SLC25A3: variants seen among roughly 807,000 people sequenced by gnomAD.
SLC25A3 encodes solute carrier family 25 member 3.
In SLC25A3, 14 loss-of-function variants were observed where a neutral mutation model predicts 37.1. The observed-to-expected ratio is 0.38, with a 90% CI of 0.25 to 0.59. SLC25A3 has a LOEUF of 0.59. Ranked by LOEUF, SLC25A3 falls within the 20% of genes least tolerant of loss-of-function variation. SLC25A3 has a pLI of 0.67. For missense variants in SLC25A3, 385 were observed against 458.1 expected, an observed-to-expected ratio of 0.84 and a Z score of 1.46; for synonymous variants, 161 against 168.7, an observed-to-expected ratio of 0.95 and a Z score of 0.36.
In SLC25A3 at chr12:98,601,292, G is replaced by GT. The variant is rs778050686; in HGVS notation, c.925+18dup. On this transcript the variant is annotated intron_variant, in intron 7 of 7. Transcript: ENST00000552981. ...GACTTGGATTTAAAGGTAGGATGATGTTTTTTTCTTGAAAGAAAGAACAAC... is the reference window on the plus strand; with the variant it reads ...GACTTGGATTTAAAGGTAGGATGATGTTTTTTTTCTTGAAAGAAAGAACAAC... The GT allele has an allele frequency of 1.1e-5, 17 of 1,613,858 alleles. No individual in the cohort carries two copies. Among genetic ancestry groups the GT allele is most frequent in the Non-Finnish European group, 1.4e-5 (16 of 1,179,956 alleles).
At chr12:98,595,635 C>T (rs1457075385) in intron 2 of SLC25A3, 92 bp from the exon 3 acceptor site, 5 of 1,612,256 alleles carry the variant, frequency 3.1e-6, no homozygotes, top group Non-Finnish European at 4.2e-6. Flanking sequence ...ATCTAACAAG[C>T]TGTGTGGAAA....
chr12:98,597,416 CT>C (rs1160705083), intron 3 of SLC25A3: 1,120 of 151,642 alleles, frequency 7.4e-3, no homozygotes, highest in South Asian at 0.021. Flanking sequence ...TACTGTATTT[CT>C]TTTTTTTTTT....
chr12:98,596,707 A>G (rs1208217036), intron 3 of SLC25A3, among the ~76,000 whole-genome samples: 4 of 152,188 alleles, frequency 2.6e-5, no homozygotes, highest in African/African-American at 7.2e-5. Flanking sequence ...TTATCTAGAC[A>G]GTAGCTTTTA....
At chr12:98,594,187 C>T (rs1307616848) in intron 2 of SLC25A3, 52 bp downstream of exon 2, 2 of 1,477,728 alleles carry the variant, frequency 1.4e-6, no homozygotes, top group Admixed American at 1.9e-5. Flanking sequence ...GTGGGCCGCC[C>T]AGCCTTTGAG....
At chr12:98,593,806 C>T in intron 1 of SLC25A3, 66 bp downstream of exon 1, 1 of 693,662 alleles carries the variant, frequency 1.4e-6, no homozygotes, top group Non-Finnish European at 2.5e-6. Context: ...CCTGTGGGGC[C>T]GCTGCTTTGG....
Position 98,602,689 on chromosome 12 carries a change from A to G in SLC25A3, c.*1161A>G, listed in dbSNP as rs1436817215. ...TGATTAGGAAGTGTATAAAAGTTCA[A>G]TCTTTTGTAATGACAGCCCACCACT... On this transcript the variant is annotated 3_prime_UTR_variant, in exon 8 of 8. Transcript: ENST00000552981. The G allele has an allele frequency of 6.6e-6, 1 of 152,186 alleles. No individual in the cohort carries two copies. Among genetic ancestry groups the G allele is most frequent in the Non-Finnish European group, 1.5e-5 (1 of 68,030 alleles). 9.4% of individuals were successfully genotyped at this position (152,186 alleles called of 1,614,324 possible).
Position 98,600,141 on chromosome 12 carries a change from A to G in SLC25A3, c.814+14A>G. The G allele has an allele frequency of 6.8e-7, 1 of 1,468,374 alleles. No homozygotes were observed. The highest frequency in any genetic ancestry group is 9.6e-7 in the Non-Finnish European group (1 of 1,046,666). 91.0% of individuals were successfully genotyped at this position (1,468,374 alleles called of 1,614,324 possible). A position where few individuals can be genotyped will look rare whatever the true frequency, so the allele number is the denominator to read the frequency against. On this transcript the variant is annotated intron_variant, in intron 6 of 7. Coordinates refer to ENST00000552981, the MANE Select transcript of SLC25A3 (RefSeq NM_002635.4). ...CAGGTTACATAGGTACGAATTACTT[A>G]GAACACACTTGTCTGAAATTATGAA...
chr12:98,595,566 T>C lies in SLC25A3; in HGVS notation c.158-161T>C, dbSNP rs1273887563. 3.1e-6 allele frequency: 5 copies of C among 1,614,042 alleles called. No individual in the cohort carries two copies. The African/African-American group carries it at 6.7e-5, about 22-fold the overall frequency. On this transcript the variant is annotated intron_variant, in intron 2 of 7. Transcript: ENST00000552981. ...TTAAATGCAGAATGCAGGTTTGTTT[T>C]GCATGCTGGACTAGAGCATATTGAA...
chr12:98,598,894 G>T (rs1041188048), intron 5 of SLC25A3, among the ~76,000 whole-genome samples, 191 bp downstream of exon 5: 2 of 151,590 alleles, frequency 1.3e-5, no homozygotes, highest in East Asian at 3.9e-4. Context: ...TCCTGCCTCA[G>T]CCTCCCAAGT....
rs1565833201 is a variant in SLC25A3 at position 98,603,562 on chromosome 12, C to CG, written c.*2035dup. On this transcript the variant is annotated 3_prime_UTR_variant, in exon 8 of 8. Transcript: ENST00000552981. ...AGTAGAAACGCATTAGTCCAGCCAA[C>CG]GTGAAAGTGGACCGTAGATCTAAAA... 1 of 152,012 alleles carries CG rather than the reference C, an allele frequency of 6.6e-6. No individual in the cohort carries two copies. The highest frequency in any genetic ancestry group is 2.4e-5 in the African/African-American group (1 of 41,404). The allele number at this position is 152,012 out of a possible 1,614,324, so 9.4% of individuals were successfully genotyped here. A position where few individuals can be genotyped will look rare whatever the true frequency, so the allele number is the denominator to read the frequency against.
Position 98,593,707 on chromosome 12 carries a change from C to G in SLC25A3, c.-38C>G, listed in dbSNP as rs542602103. ...CGGCCTCTGTGAGCCGCAACCTTTC[C>G]AAGGGAGTGGTTGTGTGATCGCCAT... On this transcript the variant is annotated 5_prime_UTR_variant, in exon 1 of 8. Transcript: ENST00000552981. The G allele has an allele frequency of 7.2e-4, 398 of 552,998 alleles. No homozygotes were observed. The highest frequency in any genetic ancestry group is 6.0e-3 in the African/African-American group (320 of 53,008). The allele number at this position is 552,998 out of a possible 1,614,324, so 34.3% of individuals were successfully genotyped here. A position where few individuals can be genotyped will look rare whatever the true frequency, so the allele number is the denominator to read the frequency against.
At chr12:98,595,474 C>T in intron 2 of SLC25A3, 2 of 1,613,306 alleles carry the variant, frequency 1.2e-6, no homozygotes, top group Non-Finnish European at 1.7e-6. Flanking sequence ...ATTCTTTATC[C>T]TTTGTGGACT....
intron 3 of SLC25A3, among the ~76,000 whole-genome samples, chr12:98,596,911 C>T (rs769856155): frequency 2.0e-4 from 30 of 152,090 alleles, no homozygotes; most frequent in African/African-American, 4.3e-4. Context: ...CGCAGCTACT[C>T]GGGAGGCTGA....
chr12:98,598,510 T>G lies in SLC25A3; in HGVS notation c.460-12T>G. The G allele has an allele frequency of 1.2e-6, 2 of 1,612,078 alleles. No homozygotes were observed. Among genetic ancestry groups the G allele is most frequent in the Non-Finnish European group, 8.5e-7 (1 of 1,179,836 alleles). On this transcript the variant is annotated splice_polypyrimidine_tract_variant and intron_variant, in intron 4 of 7. Transcript: ENST00000552981. ...AGCAATTCACATCCCTTCCTTGTGT[T>G]TTGGATTTTAGGAGAATACTTATCT...
rs368452839 is a variant in SLC25A3 at position 98,605,810 on chromosome 12, ACTGT to A, written c.*4286_*4289del. On this transcript the variant is annotated 3_prime_UTR_variant, in exon 8 of 8. Coordinates refer to ENST00000552981, the MANE Select transcript of SLC25A3 (RefSeq NM_002635.4). Reference sequence around the variant, plus strand: ...ACTCCAGCCTGGGCGACAGAGCCAGACTGTCTGAGGAAGAAATTGTATATCAGGC... The same window carrying A: ...ACTCCAGCCTGGGCGACAGAGCCAGACTGAGGAAGAAATTGTATATCAGGC... 4,408 of 152,220 alleles carry A rather than the reference ACTGT, an allele frequency of 0.029. 206 individuals carry two copies. The highest frequency in any genetic ancestry group is 0.098 in the African/African-American group (4,064 of 41,404). The allele number at this position is 152,220 out of a possible 1,614,324, so 9.4% of individuals were successfully genotyped here.
intron 5 of SLC25A3, chr12:98,599,738 A>G (rs1042884550): frequency 8.4e-6 from 6 of 713,992 alleles, no homozygotes; most frequent in South Asian, 2.7e-5. Context: ...ACATCCAGCA[A>G]CTTTTTTGGT....
rs190019826 is a variant in SLC25A3, at chr12:98,598,924, T to C, written c.641+221T>C. Among the ~76,000 whole-genome samples the C allele has an allele frequency of 0.015, 2,200 of 151,234 alleles. 32 individuals carry two copies. The highest frequency in any genetic ancestry group is 0.021 in the Non-Finnish European group (1,395 of 67,784). ...CCAAGTAGCTGGGACTACAGGCGCC[T>C]GCCACTGCGCCCAGCTAATTTTTTG... On this transcript the variant is annotated intron_variant, in intron 5 of 7. Coordinates refer to ENST00000552981, the MANE Select transcript of SLC25A3 (RefSeq NM_002635.4).
Position 98,601,187 on chromosome 12 carries a change from A to G in SLC25A3, c.831A>G (p.Ala277=), listed in dbSNP as rs764571045. ...TTTTTTCAGCTGGAGTCTTTTGTGCAATTGTTTCTCACCCTGCTGATTCTG... is the reference window on the plus strand; with the variant it reads ...TTTTTTCAGCTGGAGTCTTTTGTGCGATTGTTTCTCACCCTGCTGATTCTG... ...VAGYIAGVFC[A]IVSHPADSVV... The change falls in exon 7 of 8, where the codon GCA becomes GCG. Residue 277 remains alanine (A), a synonymous_variant. Coordinates refer to ENST00000552981, the MANE Select transcript of SLC25A3 (RefSeq NM_002635.4). 1.9e-6 allele frequency: 3 copies of G among 1,612,950 alleles called. No homozygotes were observed. Among genetic ancestry groups the G allele is most frequent in the Non-Finnish European group, 2.5e-6 (3 of 1,179,762 alleles).
intron 3 of SLC25A3, among the ~76,000 whole-genome samples, chr12:98,596,213 A>G (rs981904599): frequency 1.3e-5 from 2 of 152,246 alleles, no homozygotes; most frequent in African/African-American, 4.8e-5. Flanking sequence ...TTTATCTACT[A>G]ATAAGACCAA....
Sources: allele counts gnomAD v4.1 joint callset (sites outside exome capture counted in the v4.1 genomes callset), GRCh38; gene constraint gnomAD v4.1.1; transcripts MANE v1.5; gene names NCBI Gene and HGNC (gene_info 2026-07-23, HGNC 2026-07-21).